Variants in SORCS3 observed in about 807,000 individuals in gnomAD.
SORCS3 encodes the protein sortilin related VPS10 domain containing receptor 3, also known as VPS10 domain-containing receptor SorCS3.
In SORCS3, 57 loss-of-function variants were observed where a neutral mutation model predicts 146.3. The ratio of observed to expected loss-of-function variants is 0.39; its 90% CI spans 0.31 to 0.49. The LOEUF (loss-of-function observed/expected upper bound fraction) is 0.49. Among genes scored for constraint, SORCS3 ranks in the 20% least tolerant of loss-of-function variants. The probability of loss-of-function intolerance (pLI) is 0.92; values close to 1 mark genes in which losing one functional copy is unlikely to be tolerated. For synonymous variants in SORCS3, 653 were observed against 618.5 expected (o/e 1.06, Z -0.83); for missense variants, 1,341 against 1,575.5 (o/e 0.85, Z 2.52).
intron 13 of SORCS3, among the ~76,000 whole-genome samples, chr10:105,173,700 C>G (rs1254307656): frequency 1.3e-5 from 2 of 152,170 alleles, no homozygotes; most frequent in African/African-American, 2.4e-5. Context: ...TAAGGTCCTT[C>G]ATGATTTGAC....
At chr10:105,006,224 G>A (rs1313219393) in intron 4 of SORCS3, among the ~76,000 whole-genome samples, 1 of 152,186 alleles carries the variant, frequency 6.6e-6, no homozygotes. Flanking sequence ...TTACAGGCAT[G>A]AGCCACCACG....
At chr10:104,842,684 C>T in intron 1 of SORCS3, 108 bp from the exon 2 acceptor site, 1 of 828,344 alleles carries the variant, frequency 1.2e-6, no homozygotes, top group Non-Finnish European at 2.0e-6. Context: ...CTAAGCCCTC[C>T]TCTGGGTGAT....
chr10:105,010,720 C>CAT (rs561979917), intron 4 of SORCS3, among the ~76,000 whole-genome samples: 16 of 147,276 alleles, frequency 1.1e-4, no homozygotes, highest in Non-Finnish European at 1.5e-4. Flanking sequence ...AGCATAGTTT[C>CAT]TTTTTTTTTT....
intron 1 of SORCS3, among the ~76,000 whole-genome samples, chr10:104,696,631 A>G (rs1372866560): frequency 1.9e-4 from 19 of 98,214 alleles, no homozygotes; most frequent in South Asian, 2.6e-4. Context: ...ATATACGTAT[A>G]TATTATATAT....
intron 1 of SORCS3, among the ~76,000 whole-genome samples, chr10:104,782,702 C>T (rs2017389343): frequency 6.6e-6 from 1 of 152,188 alleles, no homozygotes. Flanking sequence ...TGAGCTCATT[C>T]TTCTCCTGAC....
intron 17 of SORCS3, 69 bp downstream of exon 17, chr10:105,211,319 T>C (rs1295573971): frequency 9.7e-7 from 1 of 1,033,380 alleles, no homozygotes; most frequent in Admixed American, 1.8e-5. Context: ...CCAAAGGAAA[T>C]GCATTGCTAT....
chr10:105,035,994 T>A (rs191298909), intron 4 of SORCS3, among the ~76,000 whole-genome samples: 22 of 152,202 alleles, frequency 1.4e-4, no homozygotes, highest in African/African-American at 2.2e-4. Context: ...TCTCTTTCCC[T>A]TCTACTTGAA....
intron 3 of SORCS3, among the ~76,000 whole-genome samples, 179 bp from the exon 4 acceptor site, chr10:104,977,156 A>G (rs1340016448): frequency 1.3e-5 from 2 of 152,112 alleles, no homozygotes; most frequent in Admixed American, 6.6e-5. Context: ...TTTTACCTCA[A>G]TTCGACAATG....
intron 1 of SORCS3, among the ~76,000 whole-genome samples, chr10:104,675,510 T>C (rs2015902827): frequency 6.6e-6 from 1 of 152,238 alleles, no homozygotes; most frequent in Non-Finnish European, 1.5e-5. Context: ...TTTATTGTTT[T>C]AATGTTCACA....
chr10:105,219,718 G>T (rs2056687519), intron 19 of SORCS3, among the ~76,000 whole-genome samples: 1 of 152,158 alleles, frequency 6.6e-6, no homozygotes, highest in African/African-American at 2.4e-5. Flanking sequence ...CATTTTTGCT[G>T]CATTTAAAAA....
intron 1 of SORCS3, among the ~76,000 whole-genome samples, chr10:104,653,422 G>A (rs1025899969): frequency 6.6e-6 from 1 of 151,920 alleles, no homozygotes; most frequent in African/African-American, 2.4e-5. Context: ...TTTTACTCTT[G>A]GATTAGTGCC....
intron 7 of SORCS3, among the ~76,000 whole-genome samples, chr10:105,117,392 A>G (rs1197151235): frequency 6.6e-6 from 1 of 152,164 alleles, no homozygotes; most frequent in African/African-American, 2.4e-5. Flanking sequence ...CAGTTATTGT[A>G]GGTAGAGTGA....
Position 104,658,213 on chromosome 10 carries a change from C to G in SORCS3, c.627+16259C>G, listed in dbSNP as rs1194964853. ...AACTGAATATATGCTTCTTCCAAAC[C>G]GGTTTGCAGTGGCAGATTGAGGGAT... On this transcript the variant is annotated intron_variant, in intron 1 of 26. Transcript: ENST00000369701. Among the ~76,000 whole-genome samples the G allele has an allele frequency of 2.0e-5, 3 of 152,192 alleles. No individual in the cohort carries two copies. In the East Asian group the frequency reaches 5.8e-4, roughly 29 times the overall value.
Position 105,026,187 on chromosome 10 carries a change from T to C in SORCS3, c.955-16868T>C, listed in dbSNP as rs190677460. On this transcript the variant is annotated intron_variant, in intron 4 of 26. Coordinates refer to ENST00000369701, the MANE Select transcript of SORCS3 (RefSeq NM_014978.3). ...CACAGTCATTCTGTTACACATCTTA[T>C]TGGTGTTACCTCCAGAATATTTTGC... Among the ~76,000 whole-genome samples, 6 of 152,312 alleles carry C rather than the reference T, an allele frequency of 3.9e-5. No homozygotes were observed. In the East Asian group the frequency reaches 9.6e-4, roughly 24 times the overall value.
chr10:104,757,424 G>A (rs1182925229), intron 1 of SORCS3, among the ~76,000 whole-genome samples: 4 of 152,196 alleles, frequency 2.6e-5, no homozygotes, highest in African/African-American at 9.6e-5. Flanking sequence ...CCAATGCAAG[G>A]CAAGGGATAC....
At chr10:104,821,783 C>T (rs2017875822) in intron 1 of SORCS3, among the ~76,000 whole-genome samples, 1 of 152,150 alleles carries the variant, frequency 6.6e-6, no homozygotes, top group South Asian at 2.1e-4. Context: ...ACAATAAGTA[C>T]CCTTGTTAGC....
At chr10:104,904,692 A>G (rs1053986487) in intron 2 of SORCS3, among the ~76,000 whole-genome samples, 28 of 152,044 alleles carry the variant, frequency 1.8e-4, no homozygotes, top group African/African-American at 6.0e-4. Context: ...TCTATAAATA[A>G]TGACCCCAAA....
intron 1 of SORCS3, among the ~76,000 whole-genome samples, chr10:104,689,292 C>A (rs764059566): frequency 2.6e-5 from 4 of 152,232 alleles, no homozygotes; most frequent in African/African-American, 7.2e-5. Context: ...ATACCTCTTC[C>A]TCCAGGAAGC....
At chr10:105,100,804 T>A (rs1352484946) in intron 6 of SORCS3, among the ~76,000 whole-genome samples, 1 of 152,258 alleles carries the variant, frequency 6.6e-6, no homozygotes, top group African/African-American at 2.4e-5. Flanking sequence ...TTTCTCTTCA[T>A]AATAAAAAAT....
Sources: allele counts gnomAD v4.1 joint callset (sites outside exome capture counted in the v4.1 genomes callset), GRCh38; gene constraint gnomAD v4.1.1; transcripts MANE v1.5; gene names NCBI Gene and HGNC (gene_info 2026-07-23, HGNC 2026-07-21).